The following CFTR variants were observed in gnomAD, a reference collection of about 807,000 sequenced individuals.
CFTR encodes the protein cystic fibrosis transmembrane conductance regulator.
In CFTR, 181 loss-of-function variants were observed where a neutral mutation model predicts 171.6. That is an observed-to-expected ratio of 1.05 (90% CI 0.93 to 1.19). CFTR has a LOEUF of 1.19. Ranked by LOEUF, CFTR falls within the 50% of genes most tolerant of loss-of-function variation. CFTR has a pLI of 0.00. For missense variants in CFTR, 1,968 were observed against 1,734.7 expected, an observed-to-expected ratio of 1.13 and a Z score of -2.39; for synonymous variants, 583 against 608.0, an observed-to-expected ratio of 0.96 and a Z score of 0.60.
chr7:117,665,898 T>G (rs1793368572), intron 26 of CFTR, among the ~76,000 whole-genome samples: 1 of 152,226 alleles, frequency 6.6e-6, no homozygotes, highest in Non-Finnish European at 1.5e-5. Flanking sequence ...TCCCTGTGAT[T>G]CTTTCAATAA....
At chr7:117,657,009 C>T (rs765991303) in intron 24 of CFTR, among the ~76,000 whole-genome samples, 1 of 152,102 alleles carries the variant, frequency 6.6e-6, no homozygotes, top group Non-Finnish European at 1.5e-5. Flanking sequence ...CCAACAAACA[C>T]AGGCGCTTTA....
chr7:117,596,415 T>C (rs1269898802), intron 15 of CFTR, among the ~76,000 whole-genome samples: 2 of 152,184 alleles, frequency 1.3e-5, no homozygotes, highest in Non-Finnish European at 1.5e-5. Context: ...GGCTCCTGCG[T>C]GGCCCAAGCC....
chr7:117,535,134 C>A (rs577571136), intron 5 of CFTR, 114 bp from the exon 6 acceptor site: 4 of 1,101,352 alleles, frequency 3.6e-6, no homozygotes, highest in Non-Finnish European at 5.5e-6. Flanking sequence ...CTCAGAACCA[C>A]GAAGTGTTTG....
intron 11 of CFTR, among the ~76,000 whole-genome samples, chr7:117,562,355 T>A (rs186137514): frequency 1.3e-5 from 2 of 152,262 alleles, no homozygotes; most frequent in Admixed American, 1.3e-4. Flanking sequence ...TGAAAAAGCA[T>A]CAATATGAAT....
intron 8 of CFTR, 25 bp downstream of exon 8, chr7:117,540,371 T>C (rs561584627): frequency 6.3e-7 from 1 of 1,596,168 alleles, no homozygotes; most frequent in South Asian, 1.1e-5. Flanking sequence ...TGCTGCATTA[T>C]ATACTATGAT....
intron 10 of CFTR, among the ~76,000 whole-genome samples, chr7:117,550,329 C>CAA (rs374964774): frequency 5.9e-5 from 8 of 135,374 alleles, no homozygotes; most frequent in African/African-American, 1.6e-4. Flanking sequence ...GTGATAGGCT[C>CAA]AAAAAAAAAA....
chr7:117,560,962 C>A lies in CFTR; in HGVS notation c.1584+1307C>A, dbSNP rs1029762022. 2.0e-5 allele frequency among the ~76,000 whole-genome samples: 3 copies of A among 150,922 alleles called. No individual in the cohort carries two copies. In the East Asian group the frequency reaches 5.8e-4, roughly 29 times the overall value. On this transcript the variant is annotated intron_variant, in intron 11 of 26. Transcript: ENST00000003084. ...AAAGTTGCGGAAGGTGCCTTACAGA[C>A]TTTTTTTTTGCGTTAAGTATGTGTT...
In CFTR at chr7:117,664,665, TGAACTA is replaced by T; in HGVS notation, c.3964-22_3964-17del. The T allele has an allele frequency of 6.2e-7, 1 of 1,610,390 alleles. No individual in the cohort carries two copies. The highest frequency in any genetic ancestry group is 8.5e-7 in the Non-Finnish European group (1 of 1,176,688). ...TGAGTGTTTTTAACTCTGTGGTATC[TGAACTA>T]TCTTCTCTAACTGCAGGTTGGGCTC... On this transcript the variant is annotated splice_polypyrimidine_tract_variant and intron_variant, in intron 24 of 26. Coordinates refer to ENST00000003084, the MANE Select transcript of CFTR (RefSeq NM_000492.4).
intron 3 of CFTR, among the ~76,000 whole-genome samples, chr7:117,513,523 C>A (rs746216246): frequency 6.6e-6 from 1 of 151,744 alleles, no homozygotes; most frequent in Non-Finnish European, 1.5e-5. Flanking sequence ...CAAAATACAG[C>A]TTTGCAGGTC....
At chr7:117,553,265 A>C (rs983745313) in intron 10 of CFTR, among the ~76,000 whole-genome samples, 7 of 152,186 alleles carry the variant, frequency 4.6e-5, no homozygotes, top group South Asian at 2.1e-4. Flanking sequence ...ACATTTAAAT[A>C]GATGCATAGT....
chr7:117,535,302 A>T lies in CFTR; in HGVS notation c.634A>T (p.Met212Leu). 2 of 1,614,062 alleles carry T rather than the reference A, an allele frequency of 1.2e-6. No individual in the cohort carries two copies. Among genetic ancestry groups the T allele is most frequent in the South Asian group, 2.2e-5 (2 of 91,082 alleles). Residue 212 changes from methionine (M) to leucine (L), a missense_variant, in exon 6 of 27, where the codon ATG (methionine) becomes TTG (leucine). Transcript: ENST00000003084. Reference sequence around the variant, plus strand: ...CGCTCCTTTGCAAGTGGCACTCCTCATGGGGCTAATCTGGGAGTTGTTACA... The same window carrying T: ...CGCTCCTTTGCAAGTGGCACTCCTCTTGGGGCTAATCTGGGAGTTGTTACA... ...WIAPLQVALLMGLIWELLQAS... is the reference protein window; with the variant it reads ...WIAPLQVALLLGLIWELLQAS...
chr7:117,482,400 T>G (rs35715578), intron 1 of CFTR, among the ~76,000 whole-genome samples: 11,518 of 152,182 alleles, frequency 0.076, 457 homozygotes, highest in Middle Eastern at 0.11. Flanking sequence ...CTAAGTTATT[T>G]CTTACTTTCT....
At chr7:117,600,541 G>T (rs1792207343) in intron 15 of CFTR, among the ~76,000 whole-genome samples, 1 of 151,842 alleles carries the variant, frequency 6.6e-6, no homozygotes, top group Admixed American at 6.6e-5. Context: ...TCCCTGAGTG[G>T]CTTTACATTA....
intron 1 of CFTR, among the ~76,000 whole-genome samples, chr7:117,487,022 T>G (rs879798646): frequency 5.4e-4 from 82 of 151,960 alleles, no homozygotes; most frequent in African/African-American, 1.9e-3. Flanking sequence ...ATTTGTTGAT[T>G]TGGATAATAG....
intron 11 of CFTR, among the ~76,000 whole-genome samples, chr7:117,584,522 T>C (rs1250026937): frequency 1.3e-5 from 2 of 152,220 alleles, no homozygotes; most frequent in East Asian, 3.9e-4. Flanking sequence ...TTCTGTTCCA[T>C]TGTCTACTTG....
At chr7:117,587,243 T>C (rs1791949840) in intron 11 of CFTR, among the ~76,000 whole-genome samples, 1 of 152,128 alleles carries the variant, frequency 6.6e-6, no homozygotes. Context: ...AGGAATTGCC[T>C]TGGACCCATG....
Position 117,603,597 on chromosome 7 carries a change from C to G in CFTR, c.2723C>G (p.Thr908Ser), listed in dbSNP as rs369521395. 2.5e-6 allele frequency: 4 copies of G among 1,613,954 alleles called. No homozygotes were observed. Among genetic ancestry groups the G allele is most frequent in the Non-Finnish European group, 3.4e-6 (4 of 1,179,850 alleles). Residue 908 changes from threonine to serine, a missense_variant, in exon 17 of 27, where the codon ACC (threonine) becomes AGC (serine). By Grantham distance (58) the Thr-to-Ser change is moderately conservative. Coordinates refer to ENST00000003084, the MANE Select transcript of CFTR (RefSeq NM_000492.4). ...AATAACAGCTATGCAGTGATTATCA[C>G]CAGCACCAGTTCGTATTATGTGTTT... ...SRNNSYAVII[T>S]STSSYYVFYI... is the part of the protein sequence containing the mutation.
In CFTR at chr7:117,483,755, A is replaced by G. The variant is rs576430738; in HGVS notation, c.53+3608A>G. On this transcript the variant is annotated intron_variant, in intron 1 of 26. Coordinates refer to ENST00000003084, the MANE Select transcript of CFTR (RefSeq NM_000492.4). Reference sequence around the variant, plus strand: ...CTAACTTTTTTTTTTTTTAAGTTATATAGAGACAGTATCTCACTATGTTGC... The same window carrying G: ...CTAACTTTTTTTTTTTTTAAGTTATGTAGAGACAGTATCTCACTATGTTGC... 4.0e-5 allele frequency among the ~76,000 whole-genome samples: 6 copies of G among 151,064 alleles called. No individual in the cohort carries two copies. In the South Asian group the frequency reaches 6.3e-4, roughly 16 times the overall value.
chr7:117,632,510 C>T (rs2116141691), intron 22 of CFTR, among the ~76,000 whole-genome samples: 1 of 150,102 alleles, frequency 6.7e-6, no homozygotes, highest in African/African-American at 2.5e-5. Context: ...CTGCAGCGAG[C>T]TGTGATGGCA....
Sources: gnomAD v4.1 joint callset for allele counts (sites outside exome capture counted in the v4.1 genomes callset) on GRCh38, gnomAD v4.1.1 for gene constraint, MANE v1.5 for transcripts, NCBI Gene and HGNC (gene_info 2026-07-23, HGNC 2026-07-21) for gene names.